SLC1A2: variants seen among roughly 807,000 people sequenced by gnomAD.
SLC1A2 encodes excitatory amino acid transporter 2.
A neutral mutation model predicts 48.8 loss-of-function variants in SLC1A2; 15 were observed. The ratio of observed to expected loss-of-function variants is 0.31; its 90% confidence interval spans 0.21 to 0.47. The LOEUF (loss-of-function observed/expected upper bound fraction) is 0.47. SLC1A2 is among the 20% of genes least tolerant of loss of function. SLC1A2 has a pLI of 0.99. For synonymous variants in SLC1A2, 279 were observed against 272.6 expected, an observed-to-expected ratio of 1.02 and a Z score of -0.23; for missense variants, 502 against 730.5, an observed-to-expected ratio of 0.69 and a Z score of 3.61.
chr11:35,366,083 T>C (rs903285204), intron 1 of SLC1A2, among the ~76,000 whole-genome samples: 6 of 152,232 alleles, frequency 3.9e-5, no homozygotes, highest in African/African-American at 1.2e-4. Flanking sequence ...AGCTCTCAGT[T>C]AACCATCTAT....
At chr11:35,393,750 C>T (rs1382330319) in intron 1 of SLC1A2, among the ~76,000 whole-genome samples, 2 of 152,118 alleles carry the variant, frequency 1.3e-5, no homozygotes, top group South Asian at 2.1e-4. Context: ...ATTTTTGTCT[C>T]CCCCCATCCC....
chr11:35,315,361 T>C lies in SLC1A2; in HGVS notation c.158-186A>G, dbSNP rs1322192786. The C allele has an allele frequency of 1.0e-5, 5 of 485,464 alleles. No homozygotes were observed. The South Asian group carries it at 1.1e-4, about 11-fold the overall frequency. The allele number at this position is 485,464 out of a possible 1,614,324, so 30.1% of individuals were successfully genotyped here. On this transcript the variant is annotated intron_variant, in intron 2 of 10. Transcript: ENST00000278379. ...TGATGACTAGCAAGAGAACTTTCTA[T>C]ACCTCCAACTATTCTTAAAAAGTCA...
At chr11:35,368,993 A>T (rs1853963552) in intron 1 of SLC1A2, among the ~76,000 whole-genome samples, 1 of 152,170 alleles carries the variant, frequency 6.6e-6, no homozygotes, top group South Asian at 2.1e-4. Context: ...CCATTTCTAC[A>T]CTTCTTGCCT....
At chr11:35,309,336 C>G (rs1380912791) in intron 4 of SLC1A2, among the ~76,000 whole-genome samples, 1 of 152,198 alleles carries the variant, frequency 6.6e-6, no homozygotes, top group Non-Finnish European at 1.5e-5. Context: ...CCTGGCAGCC[C>G]GTCCTGCTCA....
intron 1 of SLC1A2, among the ~76,000 whole-genome samples, chr11:35,412,042 C>CAAAAAAA (rs5791054): frequency 7.4e-6 from 1 of 134,318 alleles, no homozygotes; most frequent in African/African-American, 2.7e-5. Flanking sequence ...CTTACTGGAG[C>CAAAAAAA]AAAAAAAAAA....
intron 4 of SLC1A2, among the ~76,000 whole-genome samples, chr11:35,311,176 T>C (rs1851677408): frequency 6.6e-6 from 1 of 152,214 alleles, no homozygotes. Flanking sequence ...TTTTTGTTTT[T>C]TGTTTTTGAG....
In SLC1A2 at chr11:35,258,510, C is replaced by A. The variant is rs1043724363; in HGVS notation, c.*2384G>T. On this transcript the variant is annotated 3_prime_UTR_variant, in exon 11 of 11. Transcript: ENST00000278379. The stretch of plus-strand genomic sequence containing the variant: ...GCTGGCCTTCCATAGCAAAAAACAA[C>A]AAGCTCCTAGACGCTTTGCCTATAG... 1 of 151,896 alleles carries A rather than the reference C, an allele frequency of 6.6e-6. No individual in the cohort carries two copies. The highest frequency in any genetic ancestry group is 1.5e-5 in the Non-Finnish European group (1 of 68,046). The allele number at this position is 151,896 out of a possible 1,614,324, so 9.4% of individuals were successfully genotyped here. A position where few individuals can be genotyped will look rare whatever the true frequency, so the allele number is the denominator to read the frequency against.
intron 9 of SLC1A2, among the ~76,000 whole-genome samples, chr11:35,272,546 G>T (rs1017142493): frequency 6.6e-6 from 1 of 152,184 alleles, no homozygotes; most frequent in Non-Finnish European, 1.5e-5. Flanking sequence ...ACCAACTCTG[G>T]GGAAGTTTAA....
intron 8 of SLC1A2, among the ~76,000 whole-genome samples, chr11:35,284,474 C>G (rs1850748717): frequency 6.6e-6 from 1 of 152,072 alleles, no homozygotes; most frequent in South Asian, 2.1e-4. Flanking sequence ...AAGAGAACCA[C>G]TGGGAGACAT....
intron 1 of SLC1A2, among the ~76,000 whole-genome samples, chr11:35,381,928 A>C (rs1854435536): frequency 6.6e-6 from 1 of 152,236 alleles, no homozygotes; most frequent in Non-Finnish European, 1.5e-5. Context: ...AGTGACAATG[A>C]AGAAAATGAT....
chr11:35,301,612 G>A lies in SLC1A2; in HGVS notation c.764C>T (p.Ala255Val). 6.2e-7 allele frequency: 1 copy of A among 1,613,808 alleles called. No homozygotes were observed. The highest frequency in any genetic ancestry group is 8.5e-7 in the Non-Finnish European group (1 of 1,179,766). The change falls in exon 6 of 11, where the codon GCT becomes GTT. Residue 255 changes from alanine (A) to valine (V), a missense_variant. By Grantham distance (64) the Ala-to-Val change is moderately conservative (BLOSUM62 0). Transcript: ENST00000278379. ...GGCCTGATCTCCCATCTTCCCCATA[G>A]CGATGCCAAAAGCAATGAAAAACCC... is the stretch of plus-strand genomic sequence containing the variant. ...LIGFFIAFGI[A>V]MGKMGDQAKL...
chr11:35,416,380 T>C (rs750672891), intron 1 of SLC1A2, among the ~76,000 whole-genome samples: 2 of 152,252 alleles, frequency 1.3e-5, no homozygotes, highest in African/African-American at 2.4e-5. Flanking sequence ...TCCCTATATA[T>C]AATTTTATCC....
At chr11:35,323,167 CA>C (rs1200974771) in intron 1 of SLC1A2, 1 of 241,472 alleles carries the variant, frequency 4.1e-6, no homozygotes, top group Non-Finnish European at 8.1e-6. Context: ...CCAGACTTCA[CA>C]AACCTCTTTT....
chr11:35,280,832 A>G (rs1044127489), intron 9 of SLC1A2, 35 bp downstream of exon 9: 1 of 1,504,882 alleles, frequency 6.6e-7, no homozygotes, highest in African/African-American at 1.4e-5. Flanking sequence ...GGCAGTACTC[A>G]CAGTCCCAGC....
At chr11:35,263,268 C>A (rs941323534) in intron 10 of SLC1A2, among the ~76,000 whole-genome samples, 4 of 152,166 alleles carry the variant, frequency 2.6e-5, no homozygotes, top group African/African-American at 9.7e-5. Context: ...GAGTTACTGA[C>A]AAGCCTGACC....
rs116144768 is a variant in SLC1A2, at chr11:35,274,199, C to T, written c.1421+6668G>A. 5.3e-3 allele frequency among the ~76,000 whole-genome samples: 800 copies of T among 152,342 alleles called. 6 individuals carry two copies. The highest frequency in any genetic ancestry group is 0.019 in the African/African-American group (776 of 41,566). On this transcript the variant is annotated intron_variant, in intron 9 of 10. Coordinates refer to ENST00000278379, the MANE Select transcript of SLC1A2 (RefSeq NM_004171.4). The stretch of plus-strand genomic sequence containing the variant: ...AGACGACTTCTTTTTCATTTTATTA[C>T]TCTTTTGAACTTTGTCCTTCCCTTT...
chr11:35,352,758 G>A lies in SLC1A2; in HGVS notation c.18-35242C>T, dbSNP rs113224971. ...GAGGGTTAGGTTGAGATGGTTGGCAGTGAGTTCATGCATGGCTAAACTGCA... is the reference window on the plus strand; with the variant it reads ...GAGGGTTAGGTTGAGATGGTTGGCAATGAGTTCATGCATGGCTAAACTGCA... On this transcript the variant is annotated intron_variant, in intron 1 of 10. Coordinates refer to ENST00000278379, the MANE Select transcript of SLC1A2 (RefSeq NM_004171.4). 7.3e-3 allele frequency among the ~76,000 whole-genome samples: 1,111 copies of A among 152,344 alleles called. 16 individuals carry two copies. Among genetic ancestry groups the A allele is most frequent in the African/African-American group, 0.025 (1,052 of 41,574 alleles).
chr11:35,374,867 G>C (rs1420620254), intron 1 of SLC1A2, among the ~76,000 whole-genome samples: 1 of 152,156 alleles, frequency 6.6e-6, no homozygotes, highest in Non-Finnish European at 1.5e-5. Flanking sequence ...AATGTGTAAG[G>C]TGATACACAT....
Position 35,292,429 on chromosome 11 carries a change from T to C in SLC1A2, c.949A>G (p.Met317Val), listed in dbSNP as rs1851039295. The C allele has an allele frequency of 2.5e-6, 4 of 1,613,796 alleles. No individual in the cohort carries two copies. The highest frequency in any genetic ancestry group is 2.2e-5 in the East Asian group (1 of 44,892). ...ATGAGGCCTATGATCACTGTTACCA[T>C]GTACATCCCCAGTTGCCTAGCAACC... is the stretch of plus-strand genomic sequence containing the variant. ...EVVARQLGMY[M>V]VTVIIGLIIH... The change falls in exon 7 of 11, where the codon ATG becomes GTG. Residue 317 changes from methionine to valine, a missense_variant. Met to Val is a conservative substitution (Grantham distance 21, BLOSUM62 1). Transcript: ENST00000278379.
Sources: allele counts gnomAD v4.1 joint callset (sites outside exome capture counted in the v4.1 genomes callset), GRCh38; gene constraint gnomAD v4.1.1; transcripts MANE v1.5; gene names NCBI Gene and HGNC (gene_info 2026-07-23, HGNC 2026-07-21).